Variants in ERICH6B observed in about 807,000 individuals in gnomAD.
ERICH6B encodes the protein glutamate rich 6B, also known as glutamate-rich protein 6B.
ERICH6B carries 69 observed loss-of-function variants against 80.0 expected under a neutral mutation model. That is an observed-to-expected ratio of 0.86 (90% CI 0.71 to 1.05). The LOEUF is 1.05. Among genes scored for constraint, ERICH6B ranks in the 50% least tolerant of loss-of-function variants. The pLI is 0.00. For synonymous variants in ERICH6B, 283 were observed against 291.9 expected, an observed-to-expected ratio of 0.97 and a Z score of 0.31; for missense variants, 754 against 796.1, an observed-to-expected ratio of 0.95 and a Z score of 0.64.
At chr13:45,589,102 C>T (rs562625857) in intron 4 of ERICH6B, among the ~76,000 whole-genome samples, 19 of 152,316 alleles carry the variant, frequency 1.2e-4, no homozygotes, top group African/African-American at 3.6e-4. Flanking sequence ...CTGTCACACA[C>T]GTGCATGTGT....
chr13:45,601,633 CCGGGTGA>C (rs1026885851), intron 2 of ERICH6B, among the ~76,000 whole-genome samples: 2 of 152,168 alleles, frequency 1.3e-5, no homozygotes, highest in Non-Finnish European at 2.9e-5. Context: ...TGCCATCATT[CCGGGTGA>C]CGGGTCTTTT....
intron 1 of ERICH6B, among the ~76,000 whole-genome samples, chr13:45,614,847 C>CTGA (rs1949918804): frequency 6.6e-6 from 1 of 152,252 alleles, no homozygotes. Flanking sequence ...AGGGGAACAA[C>CTGA]TGATGACCTA....
At chr13:45,604,924 CA>C (rs2138033368) in intron 2 of ERICH6B, among the ~76,000 whole-genome samples, 1 of 152,238 alleles carries the variant, frequency 6.6e-6, no homozygotes. Context: ...AAGAACAAAA[CA>C]AAACAAACCA....
At chr13:45,591,242 C>A (rs1425159361) in intron 3 of ERICH6B, among the ~76,000 whole-genome samples, 1 of 152,194 alleles carries the variant, frequency 6.6e-6, no homozygotes, top group African/African-American at 2.4e-5. Context: ...GTGAACACTT[C>A]CACTTATCCG....
At chr13:45,560,501 T>C (rs533510068) in intron 11 of ERICH6B, among the ~76,000 whole-genome samples, 2 of 152,348 alleles carry the variant, frequency 1.3e-5, no homozygotes, top group Admixed American at 1.3e-4. Context: ...ATTAGGGTTC[T>C]CTCTTGATGT....
intron 2 of ERICH6B, among the ~76,000 whole-genome samples, chr13:45,604,506 G>A (rs1949845969): frequency 6.6e-6 from 1 of 152,036 alleles, no homozygotes; most frequent in South Asian, 2.1e-4. Context: ...CCCTGATGTG[G>A]GCATCATCAC....
chr13:45,545,842 A>G (rs916064549), intron 13 of ERICH6B, among the ~76,000 whole-genome samples: 19 of 152,200 alleles, frequency 1.2e-4, no homozygotes, highest in Non-Finnish European at 2.1e-4. Flanking sequence ...AGCAATGTGC[A>G]CACTGGGCAT....
At chr13:45,579,777 A>T (rs1012106219) in intron 7 of ERICH6B, among the ~76,000 whole-genome samples, 156 bp downstream of exon 7, 5 of 152,014 alleles carry the variant, frequency 3.3e-5, no homozygotes, top group Admixed American at 1.3e-4. Flanking sequence ...CTTCTTGAGG[A>T]GGTTTGGGGT....
intron 7 of ERICH6B, among the ~76,000 whole-genome samples, chr13:45,578,529 G>T (rs1278430359): frequency 6.6e-6 from 1 of 152,196 alleles, no homozygotes; most frequent in East Asian, 1.9e-4. Context: ...TAAGCAACTA[G>T]CCCAGGACTA....
At chr13:45,563,547 G>C (rs1036684614) in intron 10 of ERICH6B, 180 bp downstream of exon 10, 4 of 650,744 alleles carry the variant, frequency 6.1e-6, no homozygotes, top group Non-Finnish European at 1.1e-5. Flanking sequence ...TGGGGCCCTA[G>C]ACTGTGCCTG....
At chr13:45,604,244 A>T (rs1485030885) in intron 2 of ERICH6B, among the ~76,000 whole-genome samples, 1 of 152,254 alleles carries the variant, frequency 6.6e-6, no homozygotes, top group African/African-American at 2.4e-5. Flanking sequence ...TCTAACCAGG[A>T]CGTTACATTT....
chr13:45,584,708 C>T (rs1000947981), intron 5 of ERICH6B, among the ~76,000 whole-genome samples: 1 of 152,210 alleles, frequency 6.6e-6, no homozygotes, highest in Non-Finnish European at 1.5e-5. Flanking sequence ...AGTGCCCATG[C>T]CTGGCTTCGT....
chr13:45,582,944 T>C (rs1001418162), intron 5 of ERICH6B, among the ~76,000 whole-genome samples: 35 of 152,226 alleles, frequency 2.3e-4, no homozygotes, highest in African/African-American at 7.7e-4. Flanking sequence ...TTGCTCTCAG[T>C]ATTTATCCCA....
At chr13:45,606,544 TA>T (rs1566307916) in intron 2 of ERICH6B, among the ~76,000 whole-genome samples, 80 of 16,886 alleles carry the variant, frequency 4.7e-3, no homozygotes, top group Middle Eastern at 0.023. Context: ...TATATATATA[TA>T]TATTTTTTTT....
At chr13:45,604,855 A>G (rs1437514118) in intron 2 of ERICH6B, among the ~76,000 whole-genome samples, 1 of 152,112 alleles carries the variant, frequency 6.6e-6, no homozygotes, top group Non-Finnish European at 1.5e-5. Flanking sequence ...TGAACCCAGG[A>G]GGTCAAACTA....
chr13:45,577,517 C>T (rs1039987564), intron 7 of ERICH6B, among the ~76,000 whole-genome samples: 1 of 152,024 alleles, frequency 6.6e-6, no homozygotes, highest in Non-Finnish European at 1.5e-5. Flanking sequence ...CTCTTGACCT[C>T]GTGATCTGCC....
chr13:45,558,175 A>G (rs1254037916), intron 11 of ERICH6B, among the ~76,000 whole-genome samples: 1 of 151,574 alleles, frequency 6.6e-6, no homozygotes, highest in African/African-American at 2.4e-5. Context: ...ATTCCTATGT[A>G]TTTTATTTTA....
chr13:45,606,135 ATATT>A (rs1352128995), intron 2 of ERICH6B, among the ~76,000 whole-genome samples: 1 of 152,228 alleles, frequency 6.6e-6, no homozygotes, highest in Non-Finnish European at 1.5e-5. Flanking sequence ...CGAAGAAATA[ATATT>A]TAGAGTTCCT....
intron 9 of ERICH6B, 41 bp downstream of exon 9, chr13:45,568,274 C>A (rs1875005028): frequency 6.7e-7 from 1 of 1,494,260 alleles, no homozygotes; most frequent in Non-Finnish European, 8.9e-7. Context: ...CTGGCATACC[C>A]AAATCCACTG....
Sources: allele counts gnomAD v4.1 joint callset (sites outside exome capture counted in the v4.1 genomes callset), GRCh38; gene constraint gnomAD v4.1.1; transcripts MANE v1.5; gene names NCBI Gene and HGNC (gene_info 2026-07-23, HGNC 2026-07-21).